XPO7: variants seen among roughly 807,000 people sequenced by gnomAD.
The protein encoded by XPO7 is exportin-7.
Under a neutral mutation model 144.3 loss-of-function variants are expected in XPO7, and 21 were observed. That is an observed-to-expected ratio of 0.15 (90% CI 0.10 to 0.21). The LOEUF is 0.21. XPO7 is among the 10% of genes least tolerant of loss of function. XPO7 has a pLI of 1.00. For synonymous variants in XPO7, 580 were observed against 499.6 expected (o/e 1.16, Z -2.15); for missense variants, 808 against 1,325.8 (o/e 0.61, Z 6.06).
chr8:21,925,790 G>A (rs1810440426), intron 1 of XPO7, among the ~76,000 whole-genome samples: 1 of 152,106 alleles, frequency 6.6e-6, no homozygotes, highest in African/African-American at 2.4e-5. Flanking sequence ...ATATAGCACC[G>A]TGTTCTCAAT....
chr8:21,937,011 C>T (rs1810842237), intron 1 of XPO7, among the ~76,000 whole-genome samples: 1 of 152,176 alleles, frequency 6.6e-6, no homozygotes, highest in Non-Finnish European at 1.5e-5. Flanking sequence ...TGCCATCAAC[C>T]TTTAGATCAC....
intron 25 of XPO7, 160 bp from the exon 26 acceptor site, chr8:22,003,059 G>C: frequency 2.1e-6 from 1 of 477,152 alleles, no homozygotes. Context: ...AGGTAACCTT[G>C]AAATAGAAGA....
At chr8:21,979,066 GTTTT>G (rs952318996) in intron 8 of XPO7, among the ~76,000 whole-genome samples, 1 of 152,164 alleles carries the variant, frequency 6.6e-6, no homozygotes, top group African/African-American at 2.4e-5. Flanking sequence ...GCTGGGTTGT[GTTTT>G]TTTGTTTGTT....
chr8:21,988,329 C>G (rs1392421603), intron 15 of XPO7: 1 of 157,414 alleles, frequency 6.4e-6, no homozygotes, highest in Non-Finnish European at 1.4e-5. Flanking sequence ...TCTCCAAAAT[C>G]TAGTGCTGCT....
intron 25 of XPO7, among the ~76,000 whole-genome samples, chr8:22,002,610 T>C (rs747554991): frequency 5.3e-5 from 8 of 151,946 alleles, no homozygotes; most frequent in Non-Finnish European, 1.2e-4. Flanking sequence ...TCTAAAGGCT[T>C]GTGTTCCTGT....
At chr8:21,953,711 T>TGTGTAGTA (rs1172897139) in intron 1 of XPO7, among the ~76,000 whole-genome samples, 5 of 152,342 alleles carry the variant, frequency 3.3e-5, no homozygotes, top group African/African-American at 1.2e-4. Flanking sequence ...TTCTAATAGG[T>TGTGTAGTA]GTGTAGTAGT....
At chr8:21,957,109 GA>G (rs1220407006) in intron 1 of XPO7, among the ~76,000 whole-genome samples, 1 of 151,814 alleles carries the variant, frequency 6.6e-6, no homozygotes, top group East Asian at 1.9e-4. Context: ...AGATTCTCGG[GA>G]AAATCTTCCA....
rs371156606 is a variant in XPO7, at chr8:21,999,250, A to G, written c.2588A>G (p.Asn863Ser). Reference protein sequence around the residue: ...FRLYGDDALDNALQTFIKLLL... With the variant: ...FRLYGDDALDSALQTFIKLLL... ...CTCTATGGAGACGATGCCCTGGACA[A>G]TGCTCTGCAGACCTTCATCAAGCTG... The change falls in exon 23 of 28, where the codon AAT (asparagine) becomes AGT (serine). Residue 863 changes from asparagine (N) to serine (S), a missense_variant. Asn to Ser is a conservative substitution (Grantham distance 46). This residue lies in a region of XPO7 where 416 missense variants were observed against 612.5 expected (regional missense o/e 0.68). Coordinates refer to ENST00000252512, the MANE Select transcript of XPO7 (RefSeq NM_015024.5). 3.1e-6 allele frequency: 5 copies of G among 1,613,660 alleles called. No individual in the cohort carries two copies. The highest frequency in any genetic ancestry group is 2.5e-6 in the Non-Finnish European group (3 of 1,179,816).
At chr8:21,925,490 C>T (rs1002617845) in intron 1 of XPO7, among the ~76,000 whole-genome samples, 2 of 151,986 alleles carry the variant, frequency 1.3e-5, no homozygotes, top group African/African-American at 4.8e-5. Flanking sequence ...ACCTGGTATC[C>T]CTGGAAGACT....
chr8:21,982,684 G>T lies in XPO7; in HGVS notation c.1149G>T (p.Leu383=), dbSNP rs761603546. 41 of 1,610,686 alleles carry T rather than the reference G, an allele frequency of 2.5e-5. No homozygotes were observed. The highest frequency in any genetic ancestry group is 3.4e-5 in the Non-Finnish European group (40 of 1,178,886). The change falls in exon 11 of 28, where the codon CTG becomes CTT. Residue 383 remains leucine, a synonymous_variant. Coordinates refer to ENST00000252512, the MANE Select transcript of XPO7 (RefSeq NM_015024.5). Reference sequence around the variant, plus strand: ...ATAGTGTGCACTATCTTCTGAGCCTGTGGCAGCGGCTGGCAGCCTCTGTGC... The same window carrying T: ...ATAGTGTGCACTATCTTCTGAGCCTTTGGCAGCGGCTGGCAGCCTCTGTGC... The part of the protein sequence containing the change: ...APNSVHYLLS[L]WQRLAASVPY...
intron 5 of XPO7, among the ~76,000 whole-genome samples, chr8:21,974,087 G>T (rs867592427): frequency 2.0e-5 from 3 of 151,706 alleles, no homozygotes; most frequent in South Asian, 2.1e-4. Context: ...GTGTTTAAGA[G>T]ACTCTGCTGC....
rs1211410925 is a variant in XPO7, at chr8:21,989,093, T to C, written c.1868+10T>C. ...ATGACCTGTCCATTGGATATCCTTT[T>C]CTAAGCTAACTTCTGTGCACAACAG... is the stretch of plus-strand genomic sequence containing the variant. On this transcript the variant is annotated intron_variant, in intron 16 of 27. Coordinates refer to ENST00000252512, the MANE Select transcript of XPO7 (RefSeq NM_015024.5). 16 of 1,612,298 alleles carry C rather than the reference T, an allele frequency of 9.9e-6. No individual in the cohort carries two copies. The highest frequency in any genetic ancestry group is 1.2e-5 in the Non-Finnish European group (14 of 1,178,868).
intron 2 of XPO7, among the ~76,000 whole-genome samples, chr8:21,968,218 CTT>C (rs892521721): frequency 1.3e-5 from 2 of 152,108 alleles, no homozygotes; most frequent in African/African-American, 4.8e-5. Context: ...TCAAAATTTG[CTT>C]TCCAAAAAGT....
At position 22,005,284 on chromosome 8, in the gene XPO7, G is replaced by T; in HGVS notation, c.*196G>T. ...CTCACTAGGGGGCAGGGCGCTGCTG[G>T]TTCCTGGGGGACTGGGTGGGAAGGG... On this transcript the variant is annotated 3_prime_UTR_variant, in exon 28 of 28. Coordinates refer to ENST00000252512, the MANE Select transcript of XPO7 (RefSeq NM_015024.5). 1 of 381,518 alleles carries T rather than the reference G, an allele frequency of 2.6e-6. No individual in the cohort carries two copies. Among genetic ancestry groups the T allele is most frequent in the Non-Finnish European group, 4.7e-6 (1 of 213,684 alleles). 23.6% of individuals were successfully genotyped at this position (381,518 alleles called of 1,614,324 possible). A position where few individuals can be genotyped will look rare whatever the true frequency, so the allele number is the denominator to read the frequency against.
At chr8:21,996,505 G>GA (rs1812952422) in intron 21 of XPO7, among the ~76,000 whole-genome samples, 1 of 152,194 alleles carries the variant, frequency 6.6e-6, no homozygotes, top group African/African-American at 2.4e-5. Context: ...CCACAGATAA[G>GA]AAATTAACAT....
intron 1 of XPO7, among the ~76,000 whole-genome samples, chr8:21,937,238 A>C (rs1297084114): frequency 1.3e-5 from 2 of 152,222 alleles, no homozygotes; most frequent in East Asian, 1.9e-4. Context: ...CGAATAAATG[A>C]ATCAGTCTTA....
intron 1 of XPO7, among the ~76,000 whole-genome samples, chr8:21,937,393 T>C (rs1810856403): frequency 1.3e-5 from 2 of 152,346 alleles, no homozygotes; most frequent in Admixed American, 1.3e-4. Context: ...ATTAAACCTC[T>C]TAGTACGCAT....
rs376884386 is a variant in XPO7, at chr8:21,971,860, T to C, written c.427-16T>C. The C allele has an allele frequency of 3.3e-5, 53 of 1,608,112 alleles. 1 individual carries two copies. In the African/African-American group the frequency reaches 6.3e-4, roughly 19 times the overall value. ...ACACATGACAACTCTTTCTACCTTA[T>C]ACTTTTTTTAACCAGGATAGTGTTG... is the stretch of plus-strand genomic sequence containing the variant. On this transcript the variant is annotated splice_polypyrimidine_tract_variant and intron_variant, in intron 4 of 27. Transcript: ENST00000252512.
Position 21,987,791 on chromosome 8 carries a change from G to A in XPO7, c.1721G>A (p.Arg574His), listed in dbSNP as rs780339636. 3.1e-6 allele frequency: 5 copies of A among 1,613,536 alleles called. No individual in the cohort carries two copies. The highest frequency in any genetic ancestry group is 1.3e-5 in the African/African-American group (1 of 74,894). ...DQVQKSSKLY[R>H]RLSEVLGLND... is the part of the protein sequence containing the mutation. ...TTCTCTTCTTAACACCAGCTGTACC[G>A]CCGACTCTCAGAAGTTCTGGGCTTG... The change falls in exon 15 of 28, where the codon CGC (arginine) becomes CAC (histidine). Residue 574 changes from arginine to histidine, a missense_variant. Physicochemically the swap from Arg to His is conservative, Grantham distance 29. Coordinates refer to ENST00000252512, the MANE Select transcript of XPO7 (RefSeq NM_015024.5).
Sources: allele counts gnomAD v4.1 joint callset (sites outside exome capture counted in the v4.1 genomes callset), GRCh38; gene constraint gnomAD v4.1.1; regional missense constraint gnomAD v4.1.1; transcripts MANE v1.5; gene names NCBI Gene and HGNC (gene_info 2026-07-23, HGNC 2026-07-21).